The following APOC1 variants were observed in gnomAD, a reference collection of about 807,000 sequenced individuals.
The protein encoded by APOC1 is apolipoprotein C1, also known as apolipoprotein C-I.
APOC1 carries 4 observed loss-of-function variants against 6.7 expected under a neutral mutation model. The observed-to-expected ratio is 0.60, with a 90% CI of 0.29 to 1.37. The LOEUF (loss-of-function observed/expected upper bound fraction) is 1.37, where lower values mean the gene tolerates loss of function less well. Among genes scored for constraint, APOC1 ranks in the 40% most tolerant of loss-of-function variants. The probability of loss-of-function intolerance (pLI) is 0.09; values close to 1 mark genes in which losing one functional copy is unlikely to be tolerated. For synonymous variants in APOC1, 33 were observed against 40.6 expected, an observed-to-expected ratio of 0.81 and a Z score of 0.72; for missense variants, 122 against 99.4, an observed-to-expected ratio of 1.23 and a Z score of -0.97.
In APOC1 at chr19:44,914,994, G is replaced by A. The variant is rs45575140; in HGVS notation, c.58+45G>A. ...ATTGCGGAGTTGGAGATTTGGAAGA[G>A]TGAAGGTGGCTACAGGCCTGGGGTC... On this transcript the variant is annotated intron_variant, in intron 2 of 3. Coordinates refer to ENST00000592535, the MANE Select transcript of APOC1 (RefSeq NM_001645.5). The A allele has an allele frequency of 3.7e-3, 5,756 of 1,556,884 alleles. 191 individuals are homozygous for A. In the African/African-American group the frequency reaches 0.07, roughly 19 times the overall value.
chr19:44,915,652 C>A (rs1168347596), intron 2 of APOC1, among the ~76,000 whole-genome samples: 1 of 151,434 alleles, frequency 6.6e-6, no homozygotes, highest in Admixed American at 6.6e-5. Context: ...ATCCCGGTAT[C>A]CCAACCTAAG....
At chr19:44,916,968 TA>T (rs753649749) in intron 3 of APOC1, among the ~76,000 whole-genome samples, 1,560 of 134,588 alleles carry the variant, frequency 0.012, 5 homozygotes, top group Middle Eastern at 0.019. Context: ...TGTCTCCATT[TA>T]AAAAAAAAAA....
At chr19:44,919,068 G>C (rs1333800858) in intron 3 of APOC1, 105 bp from the exon 4 acceptor site, 5 of 1,010,424 alleles carry the variant, frequency 4.9e-6, no homozygotes, top group Non-Finnish European at 7.7e-6. Flanking sequence ...CAGTGGGGAT[G>C]GAGATTCTGC....
At chr19:44,914,783 C>G (rs1969973332) in intron 1 of APOC1, 50 bp downstream of exon 1, 2 of 1,168,320 alleles carry the variant, frequency 1.7e-6, no homozygotes, top group South Asian at 1.3e-5. Flanking sequence ...CTGCAAGAAA[C>G]TCAAAAAGGG....
chr19:44,918,402 C>T (rs1436831981), intron 3 of APOC1, among the ~76,000 whole-genome samples: 1 of 142,236 alleles, frequency 7.0e-6, no homozygotes, highest in Non-Finnish European at 1.5e-5. Flanking sequence ...CGCTCTGTCA[C>T]CCAGGCTGGA....
At position 44,919,286 on chromosome 19, in the gene APOC1, C is replaced by A; in HGVS notation, c.*56C>A. On this transcript the variant is annotated 3_prime_UTR_variant, in exon 4 of 4. Transcript: ENST00000592535. ...CTCTGAAATTTCCCACACCCCAGCGCCTGTGCTGAGGACTCCCTCCATGTG... is the reference window on the plus strand; with the variant it reads ...CTCTGAAATTTCCCACACCCCAGCGACTGTGCTGAGGACTCCCTCCATGTG... 6.5e-7 allele frequency: 1 copy of A among 1,531,658 alleles called. No individual in the cohort carries two copies. The highest frequency in any genetic ancestry group is 1.1e-5 in the South Asian group (1 of 89,412). The allele number at this position is 1,531,658 out of a possible 1,614,324, so 94.9% of individuals were successfully genotyped here. A position where few individuals can be genotyped will look rare whatever the true frequency, so the allele number is the denominator to read the frequency against.
chr19:44,918,879 G>A (rs12721053), intron 3 of APOC1: 10 of 379,350 alleles, frequency 2.6e-5, no homozygotes, highest in African/African-American at 1.7e-4. Context: ...GGTTGGTCTC[G>A]AACTCCTGAC....
chr19:44,915,788 G>A (rs1969993438), intron 2 of APOC1, among the ~76,000 whole-genome samples: 2 of 151,874 alleles, frequency 1.3e-5, no homozygotes, highest in Admixed American at 1.3e-4. Flanking sequence ...CCAACATGGT[G>A]AAACTTCGTC....
chr19:44,918,635 C>T (rs1970050141), intron 3 of APOC1, among the ~76,000 whole-genome samples: 3 of 149,148 alleles, frequency 2.0e-5, no homozygotes, highest in Admixed American at 1.3e-4. Flanking sequence ...CCTCGGCCTC[C>T]CAAAGTGCTG....
chr19:44,915,314 TC>T (rs1969984520), intron 2 of APOC1: 2 of 177,468 alleles, frequency 1.1e-5, no homozygotes, highest in Admixed American at 6.0e-5. Flanking sequence ...TCCTCCCCAT[TC>T]TTTTTTTTTT....
intron 3 of APOC1, 57 bp downstream of exon 3, chr19:44,916,382 G>A (rs1338730350): frequency 1.2e-6 from 2 of 1,605,628 alleles, no homozygotes; most frequent in Non-Finnish European, 8.5e-7. Flanking sequence ...GTGGAGCCCT[G>A]GCAGATGGTC....
chr19:44,915,061 G>T (rs1431185475), intron 2 of APOC1, 112 bp downstream of exon 2: 1 of 1,212,748 alleles, frequency 8.2e-7, no homozygotes, highest in Non-Finnish European at 1.2e-6. Flanking sequence ...CCCCTTCTGG[G>T]TCGTGGTTGC....
Position 44,916,228 on chromosome 19 carries a change from G to C in APOC1, c.97G>C (p.Ala33Pro), listed in dbSNP as rs868060355. The change falls in exon 3 of 4, where the codon GCC becomes CCC. Residue 33 changes from alanine to proline, a missense_variant. Ala to Pro is a conservative substitution (Grantham distance 27). Transcript: ENST00000592535. ...CCAGGGGACCCCAGACGTCTCCAGT[G>C]CCTTGGATAAGCTGAAGGAGTTTGG... ...PAQGTPDVSS[A>P]LDKLKEFGNT... 3.1e-6 allele frequency: 5 copies of C among 1,612,624 alleles called. No homozygotes were observed. In the Middle Eastern group the frequency reaches 5.0e-4, roughly 160 times the overall value.
chr19:44,916,489 C>A, intron 3 of APOC1, 164 bp downstream of exon 3: 2 of 925,974 alleles, frequency 2.2e-6, no homozygotes, highest in Non-Finnish European at 3.2e-6. Flanking sequence ...ACTTCAAGGA[C>A]AGTTTCCCTG....
rs772260679 is a variant in APOC1, at chr19:44,919,174, G to C, written c.196G>C (p.Glu66Gln). 9 of 1,613,580 alleles carry C rather than the reference G, an allele frequency of 5.6e-6. No homozygotes were observed. The highest frequency in any genetic ancestry group is 4.4e-5 in the South Asian group (4 of 91,076). The change falls in exon 4 of 4, where the codon GAG becomes CAG. Residue 66 changes from glutamate (E) to glutamine (Q), a missense_variant and splice_region_variant. Transcript: ENST00000592535. ...KQSELSAKMR[E>Q]WFSETFQKVK... ...CCCCTTCCTTATTCCTCCCCACAGG[G>C]AGTGGTTTTCAGAGACATTTCAGAA...
intron 3 of APOC1, 68 bp downstream of exon 3, chr19:44,916,393 C>A: frequency 6.4e-7 from 1 of 1,570,372 alleles, no homozygotes; most frequent in Non-Finnish European, 8.6e-7. Flanking sequence ...GCAGATGGTC[C>A]AAGATGAACA....
intron 2 of APOC1, 40 bp downstream of exon 2, chr19:44,914,989 G>T: frequency 6.4e-7 from 1 of 1,564,714 alleles, no homozygotes; most frequent in South Asian, 1.1e-5. Context: ...TGGAGATTTG[G>T]AAGAGTGAAG....
chr19:44,917,843 G>A (rs3925681), intron 3 of APOC1, among the ~76,000 whole-genome samples: 54,368 of 151,614 alleles, frequency 0.36, 10,152 homozygotes, highest in Non-Finnish European at 0.42. Flanking sequence ...GCGTGGTGGT[G>A]CATTCCTGTA....
chr19:44,914,843 A>G, intron 1 of APOC1, 29 bp from the exon 2 acceptor site: 1 of 1,591,678 alleles, frequency 6.3e-7, no homozygotes, highest in South Asian at 1.1e-5. Flanking sequence ...GGTGCCACTG[A>G]TCCCCTGAAC....
Sources: gnomAD v4.1 joint callset for allele counts (sites outside exome capture counted in the v4.1 genomes callset) on GRCh38, gnomAD v4.1.1 for gene constraint, MANE v1.5 for transcripts, NCBI Gene and HGNC (gene_info 2026-07-23, HGNC 2026-07-21) for gene names.